TRIM43: variants seen among roughly 807,000 people sequenced by gnomAD.
The protein encoded by TRIM43 is tripartite motif containing 43.
TRIM43 carries 12 observed loss-of-function variants against 27.7 expected under a neutral mutation model. The ratio of observed to expected loss-of-function variants is 0.43; its 90% confidence interval spans 0.28 to 0.70. The LOEUF (loss-of-function observed/expected upper bound fraction) is 0.70. Among genes scored for constraint, TRIM43 ranks in the 30% least tolerant of loss-of-function variants. The probability of loss-of-function intolerance (pLI) is 0.17; values close to 1 mark genes in which losing one functional copy is unlikely to be tolerated. For synonymous variants in TRIM43, 64 were observed against 121.9 expected (o/e 0.52, Z 3.13); for missense variants, 186 against 356.5 (o/e 0.52, Z 3.85).
At chr2:95,596,520 C>T in intron 4 of TRIM43, 88 bp downstream of exon 4, 1 of 1,481,474 alleles carries the variant, frequency 6.8e-7, no homozygotes, top group South Asian at 1.4e-5. Flanking sequence ...ACATTATTTC[C>T]TCATCTCCTG....
chr2:95,593,854 C>T (rs1685302731), intron 1 of TRIM43, among the ~76,000 whole-genome samples, 166 bp from the exon 2 acceptor site: 1 of 151,876 alleles, frequency 6.6e-6, no homozygotes, highest in Admixed American at 6.6e-5. Context: ...GTTGATGTCT[C>T]TTTGTGCCTT....
In TRIM43 at chr2:95,595,039, T is replaced by A. The variant is rs1402346704; in HGVS notation, c.412-11T>A. The A allele has an allele frequency of 6.2e-7, 1 of 1,607,090 alleles. No individual in the cohort carries two copies. Among genetic ancestry groups the A allele is most frequent in the Admixed American group, 1.7e-5 (1 of 59,634 alleles). On this transcript the variant is annotated splice_polypyrimidine_tract_variant and intron_variant, in intron 2 of 6. Coordinates refer to ENST00000272395, the MANE Select transcript of TRIM43 (RefSeq NM_138800.3). ...GACTTTCTGTTGTTCAACCTTGTAA[T>A]TCTTTTGCAGGAGAAACTCTTAAAG... is the stretch of plus-strand genomic sequence containing the variant.
At chr2:95,595,476 A>G (rs1254342626) in intron 3 of TRIM43, among the ~76,000 whole-genome samples, 3 of 151,588 alleles carry the variant, frequency 2.0e-5, no homozygotes, top group Admixed American at 6.6e-5. Context: ...GGTGAATATG[A>G]TATTGTCCAG....
intron 3 of TRIM43, 24 bp downstream of exon 3, chr2:95,595,169 C>T (rs1685333589): frequency 1.3e-6 from 2 of 1,571,262 alleles, no homozygotes; most frequent in Admixed American, 1.9e-5. Context: ...CGTGAGTCCT[C>T]CTGACCAGCT....
chr2:95,594,622 A>C (rs954822380), intron 2 of TRIM43, among the ~76,000 whole-genome samples, 188 bp downstream of exon 2: 1 of 150,740 alleles, frequency 6.6e-6, no homozygotes, highest in African/African-American at 2.4e-5. Flanking sequence ...GCACCCAAAA[A>C]GAGACTGATT....
At position 95,594,136 on chromosome 2, in the gene TRIM43, GTC is replaced by G. The variant is rs1685309515; in HGVS notation, c.117_118del (p.Cys40ProfsTer49). On this transcript the variant is annotated frameshift_variant, in exon 2 of 7. Coordinates refer to ENST00000272395, the MANE Select transcript of TRIM43 (RefSeq NM_138800.3). LOFTEE classifies it high-confidence loss of function. ...TGTGGGCACAGCTTCTGTAGGCCCT[GTC>G]TCTGCCTTTCGTGGGAGGAAGCCCA... is the stretch of plus-strand genomic sequence containing the variant. 1 of 1,612,572 alleles carries G rather than the reference GTC, an allele frequency of 6.2e-7. No homozygotes were observed. Among genetic ancestry groups the G allele is most frequent in the Admixed American group, 1.7e-5 (1 of 59,914 alleles).
rs372378140 is a variant in TRIM43, at chr2:95,592,761, A to T, written c.-5+612A>T. Among the ~76,000 whole-genome samples, 1,221 of 151,664 alleles carry T rather than the reference A, an allele frequency of 8.1e-3. 15 individuals are homozygous for T. The highest frequency in any genetic ancestry group is 0.014 in the Middle Eastern group (4 of 294). ...CAGTCTAGAGTTCCTGAGCTCAAAA[A>T]ACCTGCCTGACGGCCTCCCAAAATG... On this transcript the variant is annotated intron_variant, in intron 1 of 6. Transcript: ENST00000272395.
At chr2:95,594,767 A>G (rs1464401474) in intron 2 of TRIM43, among the ~76,000 whole-genome samples, 3 of 151,280 alleles carry the variant, frequency 2.0e-5, no homozygotes, top group Non-Finnish European at 4.4e-5. Context: ...GGAGTAGCAC[A>G]CTACAAAATC....
chr2:95,596,368 A>C lies in TRIM43; in HGVS notation c.674A>C (p.His225Pro), dbSNP rs372847630. The change falls in exon 4 of 7, where the codon CAC becomes CCC. Residue 225 changes from histidine to proline, a missense_variant. Around this residue, in one of 6 missense-constraint regions of TRIM43, gnomAD observed 20 missense variants for 30.4 expected, o/e 0.66. Coordinates refer to ENST00000272395, the MANE Select transcript of TRIM43 (RefSeq NM_138800.3). ...GTCAAAATGGATCAAAAGAGTAAAC[A>C]CTTGAAAGAAATGTATCAGGAACTA... ...SWVKMDQKSK[H>P]LKEMYQELME... The C allele has an allele frequency of 1.2e-6, 2 of 1,606,150 alleles. No homozygotes were observed. The highest frequency in any genetic ancestry group is 2.7e-5 in the African/African-American group (2 of 74,308).
At chr2:95,595,015 A>G in intron 2 of TRIM43, 35 bp from the exon 3 acceptor site, 1 of 1,594,814 alleles carries the variant, frequency 6.3e-7, no homozygotes, top group Non-Finnish European at 8.6e-7. Context: ...TTGGCATTTG[A>G]CTTTCTGTTG....
In TRIM43 at chr2:95,592,426, A is replaced by G. The variant is rs1259207853; in HGVS notation, c.-5+277A>G. 6.3e-4 allele frequency among the ~76,000 whole-genome samples: 96 copies of G among 151,630 alleles called. 3 individuals are homozygous for G. Among genetic ancestry groups the G allele is most frequent in the Non-Finnish European group, 8.4e-4 (57 of 67,852 alleles). On this transcript the variant is annotated intron_variant, in intron 1 of 6. Coordinates refer to ENST00000272395, the MANE Select transcript of TRIM43 (RefSeq NM_138800.3). ...ACGCTCTATTGCCAGGCTGGAGTGC[A>G]GCGGCGCTCTTGGCTCACTGCAACC...
rs1330648416 is a variant in TRIM43 at position 95,594,388 on chromosome 2, G to A, written c.365G>A (p.Gly122Glu). 3 of 1,610,868 alleles carry A rather than the reference G, an allele frequency of 1.9e-6. No individual in the cohort carries two copies. Among genetic ancestry groups the A allele is most frequent in the Non-Finnish European group, 2.5e-6 (3 of 1,179,534 alleles). ...CLLCSNSQEH[G>E]AHKHHPIEEA... ...CTGTGCTCCAACTCTCAGGAGCACGGGGCTCACAAACACCATCCCATCGAA... is the reference window on the plus strand; with the variant it reads ...CTGTGCTCCAACTCTCAGGAGCACGAGGCTCACAAACACCATCCCATCGAA... The change falls in exon 2 of 7, where the codon GGG (glycine) becomes GAG (glutamate). Residue 122 changes from glycine (G) to glutamate (E), a missense_variant. Gly to Glu is a moderately conservative substitution (Grantham distance 98). This residue lies in a region of TRIM43 where 91 missense variants were observed against 119.3 expected (regional missense o/e 0.76). Coordinates refer to ENST00000272395, the MANE Select transcript of TRIM43 (RefSeq NM_138800.3).
At chr2:95,596,530 G>A (rs1231984344) in intron 4 of TRIM43, 98 bp downstream of exon 4, 3 of 1,473,308 alleles carry the variant, frequency 2.0e-6, no homozygotes, top group East Asian at 4.9e-5. Flanking sequence ...CTCATCTCCT[G>A]TACTGACGGT....
At chr2:95,595,174 C>T (rs781269396) in intron 3 of TRIM43, 29 bp downstream of exon 3, 6 of 1,557,034 alleles carry the variant, frequency 3.9e-6, no homozygotes, top group Non-Finnish European at 5.2e-6. Flanking sequence ...GTCCTCCTGA[C>T]CAGCTTGAGA....
intron 3 of TRIM43, among the ~76,000 whole-genome samples, chr2:95,595,717 CAG>C (rs1685344914): frequency 6.6e-6 from 1 of 151,272 alleles, no homozygotes; most frequent in Non-Finnish European, 1.5e-5. Context: ...CAGTGCAATA[CAG>C]AGTCTATGGA....
intron 4 of TRIM43, 100 bp downstream of exon 4, chr2:95,596,532 A>C: frequency 2.7e-6 from 4 of 1,471,210 alleles, no homozygotes; most frequent in Non-Finnish European, 3.6e-6. Context: ...CATCTCCTGT[A>C]CTGACGGTGA....
At chr2:95,592,991 G>T (rs1383087663) in intron 1 of TRIM43, among the ~76,000 whole-genome samples, 2 of 151,294 alleles carry the variant, frequency 1.3e-5, no homozygotes, top group Non-Finnish European at 2.9e-5. Context: ...CCGCCTGCCG[G>T]GTTCACGCCA....
Position 95,596,562 on chromosome 2 carries a change from T to C in TRIM43, c.738+130T>C, listed in dbSNP as rs945550434. 19 of 1,350,672 alleles carry C rather than the reference T, an allele frequency of 1.4e-5. 1 individual carries two copies. The African/African-American group carries it at 2.7e-4, about 19-fold the overall frequency. 83.7% of individuals were successfully genotyped at this position (1,350,672 alleles called of 1,614,324 possible). Reference sequence around the variant, plus strand: ...CGGTGAGAGTCATTCCCACCGGTTATAGAGATAAACTATAACTCCTACGCT... The same window carrying C: ...CGGTGAGAGTCATTCCCACCGGTTACAGAGATAAACTATAACTCCTACGCT... On this transcript the variant is annotated intron_variant, in intron 4 of 6. Transcript: ENST00000272395.
chr2:95,593,944 G>A (rs547029961), intron 1 of TRIM43, 76 bp from the exon 2 acceptor site: 20 of 1,545,798 alleles, frequency 1.3e-5, no homozygotes, highest in Non-Finnish European at 1.6e-5. Flanking sequence ...ATTCGATCAC[G>A]ATCTGATTCA....
Sources: allele counts gnomAD v4.1 joint callset (sites outside exome capture counted in the v4.1 genomes callset), GRCh38; gene constraint gnomAD v4.1.1; regional missense constraint gnomAD v4.1.1; transcripts MANE v1.5; gene names NCBI Gene and HGNC (gene_info 2026-07-23, HGNC 2026-07-21).